Variants in S100PBP observed in about 807,000 individuals in gnomAD.
S100PBP encodes the protein S100P-binding protein.
Under a neutral mutation model 39.9 loss-of-function variants are expected in S100PBP, and 15 were observed. The ratio of observed to expected loss-of-function variants is 0.38; its 90% CI spans 0.25 to 0.58. The LOEUF is 0.58. Among genes scored for constraint, S100PBP ranks in the 20% least tolerant of loss-of-function variants. S100PBP has a pLI of 0.70. For synonymous variants in S100PBP, 178 were observed against 180.3 expected, an observed-to-expected ratio of 0.99 and a Z score of 0.10; for missense variants, 504 against 487.3, an observed-to-expected ratio of 1.03 and a Z score of -0.32.
chr1:32,833,982 G>A, intron 5 of S100PBP: 2 of 274,498 alleles, frequency 7.3e-6, no homozygotes, highest in South Asian at 3.9e-5. Flanking sequence ...TAGTAATGCT[G>A]CAGTGAACAT....
intron 1 of S100PBP, among the ~76,000 whole-genome samples, chr1:32,821,011 C>CA (rs68094004): frequency 3.9e-5 from 6 of 152,116 alleles, no homozygotes; most frequent in Non-Finnish European, 8.8e-5. Flanking sequence ...GTAAAAGTAA[C>CA]ATAATGAACA....
At chr1:32,837,997 A>G (rs1557499197) in intron 5 of S100PBP, among the ~76,000 whole-genome samples, 1 of 152,188 alleles carries the variant, frequency 6.6e-6, no homozygotes, top group African/African-American at 2.4e-5. Context: ...TCTTAAGTAA[A>G]TATCTAGAGT....
intron 3 of S100PBP, among the ~76,000 whole-genome samples, chr1:32,827,731 T>C (rs1178503868): frequency 6.6e-6 from 1 of 151,362 alleles, no homozygotes; most frequent in Non-Finnish European, 1.5e-5. Flanking sequence ...TCCACCCGCC[T>C]TGGCCTCCCA....
chr1:32,850,663 G>T (rs1044298843), intron 5 of S100PBP, among the ~76,000 whole-genome samples: 1 of 152,138 alleles, frequency 6.6e-6, no homozygotes, highest in Admixed American at 6.5e-5. Context: ...AAAATAAAGA[G>T]ACTGTAGATA....
chr1:32,843,442 G>A (rs991324005), intron 5 of S100PBP, among the ~76,000 whole-genome samples: 6 of 151,648 alleles, frequency 4.0e-5, no homozygotes, highest in African/African-American at 1.5e-4. Context: ...CTACAGGCAT[G>A]AGCCACCACA....
intron 5 of S100PBP, among the ~76,000 whole-genome samples, chr1:32,842,205 ATATATATATATATATG>A (rs1170458124): frequency 1.5e-5 from 1 of 65,248 alleles, no homozygotes; most frequent in Non-Finnish European, 2.8e-5. Flanking sequence ...AAAAAAAAAC[ATATATATATATATATG>A]TATATATATA....
At chr1:32,822,469 C>T (rs905805405) in intron 1 of S100PBP, among the ~76,000 whole-genome samples, 5 of 151,668 alleles carry the variant, frequency 3.3e-5, no homozygotes, top group Admixed American at 6.6e-5. Context: ...AAAAATTAGC[C>T]AGGCGTGGTG....
chr1:32,851,769 C>T (rs1481883727), intron 5 of S100PBP, among the ~76,000 whole-genome samples: 1 of 152,106 alleles, frequency 6.6e-6, no homozygotes, highest in Non-Finnish European at 1.5e-5. Flanking sequence ...CAGGCCCTAC[C>T]CAGATCTGTA....
At chr1:32,817,261 C>T, upstream of S100PBP, 1 of 1,613,866 alleles carries the variant, frequency 6.2e-7, no homozygotes, top group Non-Finnish European at 8.5e-7. Flanking sequence ...GCTACCCCTG[C>T]TTCCCCCGCT....
Sources: gnomAD v4.1 joint callset for allele counts (sites outside exome capture counted in the v4.1 genomes callset) on GRCh38, gnomAD v4.1.1 for gene constraint, MANE v1.5 for transcripts, NCBI Gene and HGNC (gene_info 2026-07-23, HGNC 2026-07-21) for gene names.